EPHA8: variants seen among roughly 807,000 people sequenced by gnomAD.
EPHA8 encodes ephrin type-A receptor 8.
EPHA8 carries 58 observed loss-of-function variants against 103.6 expected under a neutral mutation model. The observed-to-expected ratio is 0.56, with a 90% CI of 0.45 to 0.70. The LOEUF is 0.70. EPHA8 is among the 30% of genes least tolerant of loss of function. EPHA8 has a pLI of 0.00. For missense variants in EPHA8, 1,304 were observed against 1,395.2 expected (o/e 0.93, Z 1.04); for synonymous variants, 559 against 572.5 (o/e 0.98, Z 0.34).
intron 3 of EPHA8, 46 bp from the exon 4 acceptor site, chr1:22,586,434 C>G: frequency 6.3e-7 from 1 of 1,598,996 alleles, no homozygotes; most frequent in Non-Finnish European, 8.5e-7. Flanking sequence ...CAAGGCCAGC[C>G]AGGGTGGCCC....
Position 22,569,405 on chromosome 1 carries a change from C to T in EPHA8, c.159+52C>T. ...TCATCCCTCTGTGAGCAGAGAGAGG[C>T]TGCCACTCACAGAGTCTGCATGAGA... is the stretch of plus-strand genomic sequence containing the variant. On this transcript the variant is annotated intron_variant, in intron 2 of 16. Transcript: ENST00000166244. The surrounding 1 kb of genome is among the most constrained non-coding windows in gnomAD (Gnocchi z 4.5). 1 of 1,518,606 alleles carries T rather than the reference C, an allele frequency of 6.6e-7. No individual in the cohort carries two copies. The highest frequency in any genetic ancestry group is 2.0e-5 in the Admixed American group (1 of 49,726). The allele number at this position is 1,518,606 out of a possible 1,614,324, so 94.1% of individuals were successfully genotyped here. A position where few individuals can be genotyped will look rare whatever the true frequency, so the allele number is the denominator to read the frequency against.
rs77067006 is a variant in EPHA8 at position 22,597,832 on chromosome 1, T to C, written c.2087T>C (p.Ile696Thr). 9 of 1,611,968 alleles carry C rather than the reference T, an allele frequency of 5.6e-6. No individual in the cohort carries two copies. The highest frequency in any genetic ancestry group is 7.6e-6 in the Non-Finnish European group (9 of 1,179,268). Residue 696 changes from isoleucine to threonine, a missense_variant, in exon 11 of 17, where the codon ATC (isoleucine) becomes ACC (threonine). By Grantham distance (89) the Ile-to-Thr change is moderately conservative. Transcript: ENST00000166244. This position sits in a 1 kb window ranked among gnomAD's most constrained non-coding sequence, Gnocchi z 4.6. ...ATGGGGCAATTCGACCATCCCAACA[T>C]CATCCGCCTCGAGGGTGTCGTCACC... ...SIMGQFDHPNIIRLEGVVTRG... is the reference protein window; with the variant it reads ...SIMGQFDHPNTIRLEGVVTRG...
At position 22,576,811 on chromosome 1, in the gene EPHA8, G is replaced by T; in HGVS notation, c.754G>T (p.Glu252Ter). 2 of 1,612,158 alleles carry T rather than the reference G, an allele frequency of 1.2e-6. No homozygotes were observed. Among genetic ancestry groups the T allele is most frequent in the South Asian group, 2.2e-5 (2 of 91,024 alleles). ...TPKMYCSAEG[E>*]WLVPIGKCVC... Reference sequence around the variant, plus strand: ...CAAGATGTACTGCAGCGCGGAGGGCGAGTGGCTCGTGCCCATCGGCAAATG... The same window carrying T: ...CAAGATGTACTGCAGCGCGGAGGGCTAGTGGCTCGTGCCCATCGGCAAATG... Residue 252 changes from glutamate (E) to a stop codon, truncating the protein, a stop_gained, in exon 3 of 17, where the codon GAG (glutamate) becomes TAG (stop). Transcript: ENST00000166244. LOFTEE classifies it high-confidence loss of function. The surrounding 1 kb of genome is among the most constrained non-coding windows in gnomAD (Gnocchi z 4.8).
At position 22,563,957 on chromosome 1, in the gene EPHA8, G is replaced by A. The variant is rs1228870508; in HGVS notation, c.94+228G>A. On this transcript the variant is annotated intron_variant, in intron 1 of 16. Coordinates refer to ENST00000166244, the MANE Select transcript of EPHA8 (RefSeq NM_020526.5). The surrounding 1 kb of genome is among the most constrained non-coding windows in gnomAD (Gnocchi z 4.4). ...AAGACGGACAGGTACCGGGGACTGG[G>A]GGACAGTGGGAAAGGACAGGAGACA... Among the ~76,000 whole-genome samples the A allele has an allele frequency of 6.6e-6, 1 of 152,040 alleles. No homozygotes were observed. The highest frequency in any genetic ancestry group is 1.9e-4 in the East Asian group (1 of 5,162).
chr1:22,601,416 A>C lies in EPHA8; in HGVS notation c.2846A>C (p.Asp949Ala). Residue 949 changes from aspartate (D) to alanine (A), a missense_variant, in exon 16 of 17, where the codon GAC (aspartate) becomes GCC (alanine). Asp to Ala is a moderately radical substitution (Grantham distance 126). Coordinates refer to ENST00000166244, the MANE Select transcript of EPHA8 (RefSeq NM_020526.5). ...LDSIRMGRYR[D>A]HFAAGGYSSL... ...TCCATCCGCATGGGCCGGTACCGAG[A>C]CCACTTCGCTGCGGGCGGATACTCC... 6.2e-7 allele frequency: 1 copy of C among 1,610,826 alleles called. No homozygotes were observed. The highest frequency in any genetic ancestry group is 8.5e-7 in the Non-Finnish European group (1 of 1,179,734).
At chr1:22,578,033 G>GTGTA (rs1164586740) in intron 3 of EPHA8, among the ~76,000 whole-genome samples, 3 of 3,520 alleles carry the variant, frequency 8.5e-4, no homozygotes, top group African/African-American at 2.2e-3. Context: ...ATGTGTGCAT[G>GTGTA]TGTATGTATG....
intron 3 of EPHA8, among the ~76,000 whole-genome samples, chr1:22,585,055 A>ACG (rs60309208): frequency 1.4e-5 from 2 of 143,414 alleles, no homozygotes; most frequent in African/African-American, 2.7e-5. Flanking sequence ...GTGTGTGCGC[A>ACG]CGCGTGTGTC....
intron 3 of EPHA8, among the ~76,000 whole-genome samples, chr1:22,579,070 T>C (rs1640940920): frequency 7.8e-6 from 1 of 128,798 alleles, no homozygotes; most frequent in African/African-American, 2.9e-5. Flanking sequence ...TGTATGCATG[T>C]GTGTGCATGT....
chr1:22,577,991 ATGTACACC>A (rs1469380321), intron 3 of EPHA8, among the ~76,000 whole-genome samples: 1 of 294 alleles, frequency 3.4e-3, no homozygotes, highest in Admixed American at 0.071. Context: ...GCATGTGTGC[ATGTACACC>A]TGTGTGTGCA....
chr1:22,587,395 G>T (rs1037002629), intron 4 of EPHA8, among the ~76,000 whole-genome samples: 1 of 152,202 alleles, frequency 6.6e-6, no homozygotes, highest in Admixed American at 6.5e-5. Flanking sequence ...CAGCACGTGT[G>T]TGTGTGCGTG....
At chr1:22,565,366 C>T (rs1178416201) in intron 1 of EPHA8, among the ~76,000 whole-genome samples, 1 of 151,998 alleles carries the variant, frequency 6.6e-6, no homozygotes, top group Non-Finnish European at 1.5e-5. Flanking sequence ...TAACAAGGCA[C>T]AGGTTCCCGG....
Position 22,593,485 on chromosome 1 carries a change from C to T in EPHA8, c.1440+35C>T, listed in dbSNP as rs374051191. ...GCAGGACGGAGTGGGAGGGGCTGGG[C>T]CAGCAGGGCAGGGCCCACTGACCAC... On this transcript the variant is annotated intron_variant, in intron 6 of 16. Transcript: ENST00000166244. 3.0e-5 allele frequency: 48 copies of T among 1,609,300 alleles called. No homozygotes were observed. In the African/African-American group the frequency reaches 5.3e-4, roughly 18 times the overall value.
intron 5 of EPHA8, among the ~76,000 whole-genome samples, chr1:22,591,119 G>C (rs1240219092): frequency 6.6e-6 from 1 of 152,102 alleles, no homozygotes; most frequent in African/African-American, 2.4e-5. Flanking sequence ...GCTGGGTGTG[G>C]TGGCTCACGC....
At chr1:22,588,813 G>A (rs1382829856) in intron 4 of EPHA8, 58 bp from the exon 5 acceptor site, 20 of 1,517,686 alleles carry the variant, frequency 1.3e-5, no homozygotes. Flanking sequence ...CTGATGATAG[G>A]AAGACAGGAC....
At chr1:22,599,883 G>A (rs1557583738) in intron 13 of EPHA8, among the ~76,000 whole-genome samples, 2 of 74,264 alleles carry the variant, frequency 2.7e-5, no homozygotes, top group South Asian at 7.6e-4. Flanking sequence ...GAGGGAGGGA[G>A]TGGGGGAGGA....
In EPHA8 at chr1:22,576,946, G is replaced by C; in HGVS notation, c.823+66G>C. ...GTGCTTGGTCTTGGCAGGGCTGCCA[G>C]GGTGTAAGGGGGGACGTCAGAGCCC... is the stretch of plus-strand genomic sequence containing the variant. On this transcript the variant is annotated intron_variant, in intron 3 of 16. Transcript: ENST00000166244. The surrounding 1 kb of genome is among the most constrained non-coding windows in gnomAD (Gnocchi z 4.8). 1.3e-6 allele frequency: 2 copies of C among 1,496,118 alleles called. No homozygotes were observed. The highest frequency in any genetic ancestry group is 1.3e-5 in the South Asian group (1 of 75,816). 92.7% of individuals were successfully genotyped at this position (1,496,118 alleles called of 1,614,324 possible).
rs779864388 is a variant in EPHA8 at position 22,599,055 on chromosome 1, G to A, written c.2388+8G>A. The A allele has an allele frequency of 2.8e-5, 44 of 1,590,180 alleles. 1 individual carries two copies. The highest frequency in any genetic ancestry group is 4.0e-5 in the African/African-American group (3 of 74,550). ...GCTGCCTACACCACCACGGTGCGTC[G>A]CCCACACTCCTTCCGGCTAGACTGG... On this transcript the variant is annotated splice_region_variant and intron_variant, in intron 13 of 16. Coordinates refer to ENST00000166244, the MANE Select transcript of EPHA8 (RefSeq NM_020526.5).
Position 22,597,935 on chromosome 1 carries a change from C to T in EPHA8, c.2116+74C>T. On this transcript the variant is annotated intron_variant, in intron 11 of 16. Transcript: ENST00000166244. The surrounding 1 kb of genome is among the most constrained non-coding windows in gnomAD (Gnocchi z 4.6). ...GGAGAGGCCTCTGGGTCCATCCCCT[C>T]ATCCATCCTGCTCTGCCCCACCTGA... 6.5e-7 allele frequency: 1 copy of T among 1,544,910 alleles called. No homozygotes were observed. The highest frequency in any genetic ancestry group is 8.8e-7 in the Non-Finnish European group (1 of 1,135,060).
Position 22,598,217 on chromosome 1 carries a change from G to C in EPHA8, c.2178+5G>C. The C allele has an allele frequency of 1.2e-6, 2 of 1,612,568 alleles. No homozygotes were observed. ...TCTCTGGACACCTTCCTGAGGGTGC[G>C]TGTCCCACCCCTGCCTCTTGCATGG... On this transcript the variant is annotated splice_donor_5th_base_variant and intron_variant, in intron 12 of 16. Coordinates refer to ENST00000166244, the MANE Select transcript of EPHA8 (RefSeq NM_020526.5). The surrounding 1 kb of genome is among the most constrained non-coding windows in gnomAD (Gnocchi z 5.1).
Sources: gnomAD v4.1 joint callset for allele counts (sites outside exome capture counted in the v4.1 genomes callset) on GRCh38, gnomAD v4.1.1 for gene constraint, Gnocchi (gnomAD v3.1) non-coding constraint, MANE v1.5 for transcripts, NCBI Gene and HGNC (gene_info 2026-07-23, HGNC 2026-07-21) for gene names.